The following PPP1R9A variants were observed in gnomAD, a reference collection of about 807,000 sequenced individuals.
The protein encoded by PPP1R9A is protein phosphatase 1 regulatory subunit 9A.
Under a neutral mutation model 141.9 loss-of-function variants are expected in PPP1R9A, and 59 were observed. That is an observed-to-expected ratio of 0.42 (90% confidence interval 0.34 to 0.52). The LOEUF (loss-of-function observed/expected upper bound fraction) is 0.52. Among genes scored for constraint, PPP1R9A ranks in the 20% least tolerant of loss-of-function variants. The pLI is 0.10. For missense variants in PPP1R9A, 1,444 were observed against 1,611.9 expected (o/e 0.90, Z 1.78); for synonymous variants, 500 against 569.7 (o/e 0.88, Z 1.74).
At position 94,954,834 on chromosome 7, in the gene PPP1R9A, C is replaced by CGTGT. The variant is rs66968535; in HGVS notation, c.1395+43353_1395+43356dup. The stretch of plus-strand genomic sequence containing the variant: ...TTTAGAATATATGTTTGTAAATATG[C>CGTGT]GTGTGTGTGTGTGTGTGTGTGTGTG... On this transcript the variant is annotated intron_variant, in intron 2 of 19. Transcript: ENST00000433360. Among the ~76,000 whole-genome samples, 131 of 146,428 alleles carry CGTGT rather than the reference C, an allele frequency of 8.9e-4. 1 individual carries two copies. The highest frequency in any genetic ancestry group is 7.2e-3 in the Middle Eastern group (2 of 276).
chr7:94,937,020 CATGTCCATGT>C (rs1794843847), intron 2 of PPP1R9A, among the ~76,000 whole-genome samples: 1 of 152,144 alleles, frequency 6.6e-6, no homozygotes, highest in East Asian at 1.9e-4. Flanking sequence ...AAGACCATTC[CATGTCCATGT>C]ATTAGCATTT....
intron 4 of PPP1R9A, among the ~76,000 whole-genome samples, chr7:95,157,346 CA>C (rs1303950953): frequency 2.0e-5 from 3 of 152,206 alleles, no homozygotes; most frequent in South Asian, 2.1e-4. Flanking sequence ...CCTGGTCCCC[CA>C]AAAGTAAAGG....
At chr7:94,993,759 T>C (rs868411358) in intron 2 of PPP1R9A, among the ~76,000 whole-genome samples, 1 of 152,240 alleles carries the variant, frequency 6.6e-6, no homozygotes, top group East Asian at 1.9e-4. Flanking sequence ...TACTGGACTC[T>C]ATTAGTAGAA....
intron 2 of PPP1R9A, among the ~76,000 whole-genome samples, chr7:94,947,451 C>T (rs1406180535): frequency 3.3e-5 from 5 of 152,114 alleles, no homozygotes; most frequent in Admixed American, 2.0e-4. Flanking sequence ...TGAGCAGAGC[C>T]GTATGTGGCA....
intron 2 of PPP1R9A, among the ~76,000 whole-genome samples, chr7:95,054,638 C>T (rs1277493388): frequency 6.6e-6 from 1 of 152,124 alleles, no homozygotes; most frequent in African/African-American, 2.4e-5. Context: ...GCTCCCTGGT[C>T]CCTGCTTGTC....
chr7:95,166,861 T>C (rs560371410), intron 5 of PPP1R9A, among the ~76,000 whole-genome samples: 12 of 152,134 alleles, frequency 7.9e-5, no homozygotes, highest in African/African-American at 1.7e-4. Flanking sequence ...GCTCAACATA[T>C]GCAAATCAAT....
chr7:94,937,615 G>A (rs2150910605), intron 2 of PPP1R9A, among the ~76,000 whole-genome samples: 1 of 152,202 alleles, frequency 6.6e-6, no homozygotes, highest in East Asian at 1.9e-4. Context: ...AATTACACAG[G>A]CGTAGTTTCT....
chr7:95,208,928 T>C (rs1030147723), intron 7 of PPP1R9A, among the ~76,000 whole-genome samples: 19 of 117,774 alleles, frequency 1.6e-4, no homozygotes, highest in African/African-American at 6.4e-4. Flanking sequence ...AAATGACACA[T>C]AGTTTGGATA....
intron 17 of PPP1R9A, among the ~76,000 whole-genome samples, chr7:95,285,687 C>T (rs1805172059): frequency 6.6e-6 from 1 of 152,138 alleles, no homozygotes; most frequent in Admixed American, 6.5e-5. Context: ...CTGTGACCTC[C>T]CCCAGAACTC....
At chr7:94,954,921 C>CAGTT (rs1399431529) in intron 2 of PPP1R9A, among the ~76,000 whole-genome samples, 2 of 151,316 alleles carry the variant, frequency 1.3e-5, no homozygotes, top group African/African-American at 4.8e-5. Flanking sequence ...ACAAAGTCTA[C>CAGTT]AGTTATTCAA....
chr7:94,987,531 A>G (rs868532676), intron 2 of PPP1R9A, among the ~76,000 whole-genome samples: 1 of 152,154 alleles, frequency 6.6e-6, no homozygotes, highest in Non-Finnish European at 1.5e-5. Flanking sequence ...ATTCAAAAGG[A>G]TGAAAGTTCT....
At chr7:95,108,307 CTTT>C (rs1166103728) in intron 2 of PPP1R9A, among the ~76,000 whole-genome samples, 1 of 59,612 alleles carries the variant, frequency 1.7e-5, no homozygotes, top group Non-Finnish European at 3.1e-5. Context: ...CGTTTCTTTT[CTTT>C]TTTTTTTTTT....
Position 95,111,391 on chromosome 7 carries a change from G to T in PPP1R9A, c.1528G>T (p.Asp510Tyr). 6.2e-7 allele frequency: 1 copy of T among 1,613,142 alleles called. No individual in the cohort carries two copies. The highest frequency in any genetic ancestry group is 8.5e-7 in the Non-Finnish European group (1 of 1,179,352). ...ACTTTTCCCAGTGGAGCTAGAGAAA[G>T]GTTCGTGAGTGCTACAGTGTTAATA... The part of the protein sequence containing the change: ...LELFPVELEK[D>Y]EDGLGISIIG... The change falls in exon 3 of 20, where the codon GAT becomes TAT. Residue 510 changes from aspartate to tyrosine, a missense_variant and splice_region_variant. This residue lies in a region of PPP1R9A where 488 missense variants were observed against 542.0 expected (regional missense o/e 0.90). Coordinates refer to ENST00000433360, the MANE Select transcript of PPP1R9A (RefSeq NM_001166160.2).
Position 95,291,806 on chromosome 7 carries a change from G to C in PPP1R9A, c.*1503G>C, listed in dbSNP as rs1806397447. 6.6e-6 allele frequency: 1 copy of C among 152,132 alleles called. No individual in the cohort carries two copies. Among genetic ancestry groups the C allele is most frequent in the African/African-American group, 2.4e-5 (1 of 41,426 alleles). 9.4% of individuals were successfully genotyped at this position (152,132 alleles called of 1,614,324 possible). A position where few individuals can be genotyped will look rare whatever the true frequency, so the allele number is the denominator to read the frequency against. On this transcript the variant is annotated 3_prime_UTR_variant, in exon 20 of 20. Coordinates refer to ENST00000433360, the MANE Select transcript of PPP1R9A (RefSeq NM_001166160.2). ...TATGGGAATCTCTGCTCTGTTCCCA[G>C]CATCTCGTATCTTCCACTAGAAGTA...
At chr7:95,001,146 A>G (rs960232087) in intron 2 of PPP1R9A, among the ~76,000 whole-genome samples, 2 of 152,144 alleles carry the variant, frequency 1.3e-5, no homozygotes, top group South Asian at 2.1e-4. Flanking sequence ...TAGAATTCAC[A>G]TGTCTCTGGG....
intron 2 of PPP1R9A, among the ~76,000 whole-genome samples, chr7:94,944,990 C>T (rs1795743176): frequency 6.6e-6 from 1 of 151,956 alleles, no homozygotes; most frequent in South Asian, 2.1e-4. Context: ...TGTGTGATAG[C>T]CAAGAGGTAA....
intron 2 of PPP1R9A, among the ~76,000 whole-genome samples, chr7:95,014,312 G>A (rs1045174535): frequency 3.3e-5 from 5 of 151,684 alleles, no homozygotes; most frequent in East Asian, 3.9e-4. Context: ...TTTTTTCTTC[G>A]TCTTTTATGA....
At chr7:95,089,300 G>T (rs1005384734) in intron 2 of PPP1R9A, among the ~76,000 whole-genome samples, 10 of 151,912 alleles carry the variant, frequency 6.6e-5, no homozygotes, top group African/African-American at 2.4e-4. Context: ...CATCCAAATT[G>T]GAATACAAGA....
intron 2 of PPP1R9A, among the ~76,000 whole-genome samples, chr7:95,100,141 G>T (rs1047712846): frequency 6.6e-6 from 1 of 152,008 alleles, no homozygotes; most frequent in African/African-American, 2.4e-5. Flanking sequence ...TAAATTTGAG[G>T]AGTCGTGGTG....
Sources: allele counts gnomAD v4.1 joint callset (sites outside exome capture counted in the v4.1 genomes callset), GRCh38; gene constraint gnomAD v4.1.1; regional missense constraint gnomAD v4.1.1; transcripts MANE v1.5; gene names NCBI Gene and HGNC (gene_info 2026-07-23, HGNC 2026-07-21).